Variants in CAMK1D observed in about 807,000 individuals in gnomAD.
CAMK1D encodes the protein calcium/calmodulin-dependent protein kinase type 1D.
CAMK1D carries 9 observed loss-of-function variants against 47.7 expected under a neutral mutation model. The ratio of observed to expected loss-of-function variants is 0.19; its 90% CI spans 0.11 to 0.33. The LOEUF (loss-of-function observed/expected upper bound fraction) is 0.33, where lower values mean the gene tolerates loss of function less well. CAMK1D is among the 10% of genes least tolerant of loss of function. CAMK1D has a pLI of 1.00. For synonymous variants in CAMK1D, 184 were observed against 184.9 expected (o/e 0.99, Z 0.04); for missense variants, 291 against 488.7 (o/e 0.60, Z 3.81).
chr10:12,373,014 A>G (rs1330824455), intron 1 of CAMK1D, among the ~76,000 whole-genome samples: 5 of 152,116 alleles, frequency 3.3e-5, no homozygotes, highest in African/African-American at 1.2e-4. Context: ...AGCTTAAATG[A>G]CCCACTTCCC....
chr10:12,349,708 G>A lies in CAMK1D; in HGVS notation c.-111G>A, dbSNP rs951128666. ...AGGAAACTGCAGAGGAGGAAGCTGC[G>A]CCGCAGCCCGAGCCGCCCGGCATCC... On this transcript the variant is annotated 5_prime_UTR_variant, in exon 1 of 11. Coordinates refer to ENST00000619168, the MANE Select transcript of CAMK1D (RefSeq NM_153498.4). 2 of 202,318 alleles carry A rather than the reference G, an allele frequency of 9.9e-6. No individual in the cohort carries two copies. The highest frequency in any genetic ancestry group is 1.9e-5 in the Non-Finnish European group (2 of 107,562). 12.5% of individuals were successfully genotyped at this position (202,318 alleles called of 1,614,324 possible).
chr10:12,457,565 G>A (rs964486845), intron 1 of CAMK1D, among the ~76,000 whole-genome samples: 4 of 150,946 alleles, frequency 2.6e-5, no homozygotes, highest in East Asian at 2.0e-4. Context: ...GGTGGATCAC[G>A]AAGTCAAGAG....
chr10:12,412,027 C>T lies in CAMK1D; in HGVS notation c.92+62117C>T, dbSNP rs1447997974. ...AGTCTTGCTTGAGGTTTGAGTCTAT[C>T]AGCGTGGGCTGGTTTCTCAGGTGAC... On this transcript the variant is annotated intron_variant, in intron 1 of 10. Transcript: ENST00000619168. Among the ~76,000 whole-genome samples the T allele has an allele frequency of 5.3e-5, 8 of 152,240 alleles. No individual in the cohort carries two copies. The East Asian group carries it at 1.5e-3, about 29-fold the overall frequency.
At chr10:12,512,928 C>T (rs1303649542) in intron 1 of CAMK1D, among the ~76,000 whole-genome samples, 6 of 152,128 alleles carry the variant, frequency 3.9e-5, no homozygotes. Flanking sequence ...CTTTGTTTGA[C>T]TTTGCCTCAG....
chr10:12,433,753 G>A (rs536632473), intron 1 of CAMK1D, among the ~76,000 whole-genome samples: 35 of 152,352 alleles, frequency 2.3e-4, no homozygotes, highest in African/African-American at 7.2e-4. Context: ...AGATAGCCAC[G>A]TGCTTGGGCC....
rs1048485918 is a variant in CAMK1D at position 12,476,162 on chromosome 10, C to T, written c.93-77063C>T. On this transcript the variant is annotated intron_variant, in intron 1 of 10. Coordinates refer to ENST00000619168, the MANE Select transcript of CAMK1D (RefSeq NM_153498.4). ...CAAAAATTAGCTGGGCATGGTGGCA[C>T]GTGCCTATAATCCCAGCTACTCAGG... Among the ~76,000 whole-genome samples the T allele has an allele frequency of 4.0e-5, 6 of 151,814 alleles. No homozygotes were observed. In the East Asian group the frequency reaches 5.8e-4, roughly 15 times the overall value.
chr10:12,624,230 A>ATT (rs1174547356), intron 2 of CAMK1D, among the ~76,000 whole-genome samples: 3 of 151,902 alleles, frequency 2.0e-5, no homozygotes, highest in African/African-American at 4.8e-5. Flanking sequence ...GTGTGTGTAA[A>ATT]TTTTCTTATT....
chr10:12,440,322 T>C (rs1315592382), intron 1 of CAMK1D, among the ~76,000 whole-genome samples: 1 of 151,158 alleles, frequency 6.6e-6, no homozygotes, highest in Non-Finnish European at 1.5e-5. Context: ...TCTCCTTCTG[T>C]CACCCAGGCT....
At chr10:12,747,911 C>T (rs1208925375) in intron 3 of CAMK1D, among the ~76,000 whole-genome samples, 1 of 152,152 alleles carries the variant, frequency 6.6e-6, no homozygotes, top group Non-Finnish European at 1.5e-5. Context: ...GAATGAGGCC[C>T]ACTCTCATTA....
At chr10:12,742,978 G>T (rs1231827664) in intron 3 of CAMK1D, among the ~76,000 whole-genome samples, 1 of 152,218 alleles carries the variant, frequency 6.6e-6, no homozygotes, top group Non-Finnish European at 1.5e-5. Flanking sequence ...AGGAGGCATA[G>T]CTCTGATGAG....
chr10:12,741,706 G>A (rs1835437112), intron 3 of CAMK1D, among the ~76,000 whole-genome samples: 1 of 152,114 alleles, frequency 6.6e-6, no homozygotes, highest in South Asian at 2.1e-4. Flanking sequence ...GTTTTCTTCG[G>A]AGAGTCCCCA....
chr10:12,498,878 A>C (rs1359625863), intron 1 of CAMK1D, among the ~76,000 whole-genome samples: 1 of 152,198 alleles, frequency 6.6e-6, no homozygotes, highest in African/African-American at 2.4e-5. Flanking sequence ...GAAGAGAAGC[A>C]ATAATAATAT....
At chr10:12,350,718 GT>G (rs2131826478) in intron 1 of CAMK1D, among the ~76,000 whole-genome samples, 1 of 152,360 alleles carries the variant, frequency 6.6e-6, no homozygotes, top group African/African-American at 2.4e-5. Context: ...GGTCTTGTTT[GT>G]TTTGTTTCGG....
chr10:12,565,086 C>A (rs11257894), intron 2 of CAMK1D, among the ~76,000 whole-genome samples: 4,513 of 152,138 alleles, frequency 0.03, 222 homozygotes, highest in African/African-American at 0.1. Flanking sequence ...TGGCATGTGC[C>A]TGTAGTCCCA....
chr10:12,597,740 C>T (rs930876686), intron 2 of CAMK1D, among the ~76,000 whole-genome samples: 1 of 152,286 alleles, frequency 6.6e-6, no homozygotes, highest in East Asian at 1.9e-4. Flanking sequence ...ACCCATAGGG[C>T]TGTCTTCACT....
At chr10:12,717,891 CAAAAAAAAA>C (rs1181845465) in intron 3 of CAMK1D, among the ~76,000 whole-genome samples, 1 of 52,908 alleles carries the variant, frequency 1.9e-5, no homozygotes. Flanking sequence ...GAGACCCTGT[CAAAAAAAAA>C]AAAAAAAGAA....
intron 2 of CAMK1D, among the ~76,000 whole-genome samples, chr10:12,623,317 G>C (rs192317512): frequency 0.074 from 51 of 692 alleles, no homozygotes; most frequent in East Asian, 0.12. Context: ...CCCTCCCTCC[G>C]TCCCTCCCTC....
intron 3 of CAMK1D, among the ~76,000 whole-genome samples, chr10:12,693,908 T>A (rs1346405527): frequency 2.8e-5 from 3 of 108,776 alleles, no homozygotes; most frequent in African/African-American, 1.1e-4. Flanking sequence ...AATATATATA[T>A]AATATATATA....
At chr10:12,390,346 T>C (rs1397817503) in intron 1 of CAMK1D, among the ~76,000 whole-genome samples, 2 of 152,182 alleles carry the variant, frequency 1.3e-5, no homozygotes, top group Admixed American at 6.5e-5. Context: ...GCTGGGATTA[T>C]AGGAACGAGC....
Sources: allele counts gnomAD v4.1 joint callset (sites outside exome capture counted in the v4.1 genomes callset), GRCh38; gene constraint gnomAD v4.1.1; transcripts MANE v1.5; gene names NCBI Gene and HGNC (gene_info 2026-07-23, HGNC 2026-07-21).